SSH2: variants seen among roughly 807,000 people sequenced by gnomAD.
SSH2 encodes the protein protein phosphatase Slingshot homolog 2.
SSH2 carries 37 observed loss-of-function variants against 135.2 expected under a neutral mutation model. That is an observed-to-expected ratio of 0.27 (90% CI 0.21 to 0.36). The LOEUF (loss-of-function observed/expected upper bound fraction) is 0.36. Among genes scored for constraint, SSH2 ranks in the 10% least tolerant of loss-of-function variants. The probability of loss-of-function intolerance (pLI) is 1.00; values close to 1 mark genes in which losing one functional copy is unlikely to be tolerated. For missense variants in SSH2, 1,408 were observed against 1,765.3 expected, an observed-to-expected ratio of 0.80 and a Z score of 3.63; for synonymous variants, 628 against 646.2, an observed-to-expected ratio of 0.97 and a Z score of 0.43.
chr17:29,768,850 C>T (rs2041506625), intron 3 of SSH2, among the ~76,000 whole-genome samples: 1 of 151,886 alleles, frequency 6.6e-6, no homozygotes, highest in Admixed American at 6.6e-5. Flanking sequence ...GCTAAAAGAG[C>T]CAAGAAGGTT....
At chr17:29,779,810 CA>C (rs56789691) in intron 3 of SSH2, among the ~76,000 whole-genome samples, 943 of 19,370 alleles carry the variant, frequency 0.049, 1 homozygote, top group African/African-American at 0.17. Flanking sequence ...GACTCTGTCT[CA>C]AAAAAAAAAA....
chr17:29,785,861 G>T (rs1460810863), intron 3 of SSH2, among the ~76,000 whole-genome samples: 1 of 145,958 alleles, frequency 6.9e-6, no homozygotes, highest in Non-Finnish European at 1.5e-5. Context: ...CTGGAGTGCA[G>T]TGGCGCGATC....
chr17:29,761,266 G>GCT (rs1260473061), intron 3 of SSH2: 1 of 1,288,872 alleles, frequency 7.8e-7, no homozygotes, highest in Non-Finnish European at 1.0e-6. Flanking sequence ...GGGCCAACGT[G>GCT]CTCAGGGTCA....
At chr17:29,779,230 AGTACACATCAGATAAATAT>A (rs1173918812) in intron 3 of SSH2, among the ~76,000 whole-genome samples, 12 of 152,222 alleles carry the variant, frequency 7.9e-5, no homozygotes, top group Non-Finnish European at 1.6e-4. Flanking sequence ...CACCAGACAC[AGTACACATCAGATAAATAT>A]AAAATAGTGT....
chr17:29,803,534 C>T (rs960992700), intron 2 of SSH2, among the ~76,000 whole-genome samples: 4 of 152,182 alleles, frequency 2.6e-5, no homozygotes, highest in Admixed American at 2.6e-4. Flanking sequence ...AGGCTCAGAG[C>T]TGGCATAGTG....
At chr17:29,635,608 C>T (rs1488376514) in intron 15 of SSH2, among the ~76,000 whole-genome samples, 7 of 151,946 alleles carry the variant, frequency 4.6e-5, no homozygotes, top group Non-Finnish European at 1.0e-4. Context: ...CGGGGTTTCA[C>T]CGTGTTAGCC....
intron 2 of SSH2, among the ~76,000 whole-genome samples, chr17:29,800,910 G>C (rs2042240446): frequency 6.7e-6 from 1 of 149,502 alleles, no homozygotes; most frequent in African/African-American, 2.5e-5. Flanking sequence ...CTGTTACCCA[G>C]GCTGGAGTGC....
intron 12 of SSH2, among the ~76,000 whole-genome samples, chr17:29,652,488 T>C (rs535421784): frequency 7.7e-4 from 117 of 152,102 alleles, no homozygotes; most frequent in African/African-American, 2.7e-3. Flanking sequence ...TCTATGAATA[T>C]ACTAAAAACC....
chr17:29,853,863 G>A (rs542472506), intron 1 of SSH2, among the ~76,000 whole-genome samples: 4 of 151,542 alleles, frequency 2.6e-5, no homozygotes, highest in South Asian at 2.1e-4. Context: ...ATACTCAGCC[G>A]CTCTAGAGGC....
At chr17:29,880,304 T>A (rs1189706778) in intron 1 of SSH2, among the ~76,000 whole-genome samples, 5 of 152,182 alleles carry the variant, frequency 3.3e-5, no homozygotes. Context: ...CTATTTTTTG[T>A]AGAGACAAAA....
At chr17:29,849,663 T>C (rs1361851824) in intron 1 of SSH2, among the ~76,000 whole-genome samples, 2 of 151,234 alleles carry the variant, frequency 1.3e-5, no homozygotes, top group Admixed American at 6.6e-5. Flanking sequence ...ATCTAACTCT[T>C]AGCCTAGCCT....
chr17:29,855,183 A>T (rs1023589863), intron 1 of SSH2, among the ~76,000 whole-genome samples: 1 of 151,202 alleles, frequency 6.6e-6, no homozygotes, highest in African/African-American at 2.4e-5. Context: ...AGGTGTACTT[A>T]AAAAAGCTAG....
At chr17:29,743,899 C>G (rs374003826) in intron 3 of SSH2, among the ~76,000 whole-genome samples, 2 of 96,648 alleles carry the variant, frequency 2.1e-5, no homozygotes, top group East Asian at 5.9e-4. Flanking sequence ...TTTCTTTTTT[C>G]TTTTTTCCTT....
intron 14 of SSH2, among the ~76,000 whole-genome samples, chr17:29,638,125 CAAAT>C (rs2035992053): frequency 6.6e-6 from 1 of 151,444 alleles, no homozygotes; most frequent in Non-Finnish European, 1.5e-5. Flanking sequence ...AATAAACAAA[CAAAT>C]AAACAAAAAA....
At chr17:29,913,355 T>G (rs868338993) in intron 1 of SSH2, among the ~76,000 whole-genome samples, 2 of 41,694 alleles carry the variant, frequency 4.8e-5, no homozygotes, top group Admixed American at 3.7e-4. Flanking sequence ...AAAATATATA[T>G]ATATATATAT....
chr17:29,743,703 T>C (rs565773867), intron 3 of SSH2, among the ~76,000 whole-genome samples: 2 of 152,278 alleles, frequency 1.3e-5, no homozygotes, highest in South Asian at 2.1e-4. Flanking sequence ...ATTAAAGCAA[T>C]AGTTTTTCAT....
rs559751967 is a variant in SSH2, at chr17:29,733,885, C to T, written c.189-30823G>A. Among the ~76,000 whole-genome samples, 3 of 151,186 alleles carry T rather than the reference C, an allele frequency of 2.0e-5. No individual in the cohort carries two copies. In the East Asian group the frequency reaches 5.8e-4, roughly 29 times the overall value. ...AAATTTCTAAGATACATAAGTTTCT[C>T]CTTTACAGGGTGTTTAATTTCTTTC... On this transcript the variant is annotated intron_variant, in intron 3 of 15. Coordinates refer to ENST00000540801, the MANE Select transcript of SSH2 (RefSeq NM_001282129.2).
intron 1 of SSH2, among the ~76,000 whole-genome samples, chr17:29,853,954 A>G (rs1006525073): frequency 1.3e-5 from 2 of 151,718 alleles, no homozygotes; most frequent in Admixed American, 1.3e-4. Flanking sequence ...CAAAAAAAAA[A>G]GTAATTAAAA....
At chr17:29,651,084 C>A (rs540289282) in intron 12 of SSH2, among the ~76,000 whole-genome samples, 1 of 152,236 alleles carries the variant, frequency 6.6e-6, no homozygotes, top group South Asian at 2.1e-4. Flanking sequence ...AAAATCGTAT[C>A]CTTGATAGTA....
Sources: allele counts gnomAD v4.1 joint callset (sites outside exome capture counted in the v4.1 genomes callset), GRCh38; gene constraint gnomAD v4.1.1; transcripts MANE v1.5; gene names NCBI Gene and HGNC (gene_info 2026-07-23, HGNC 2026-07-21).